Variants in FCHSD2 observed in about 807,000 individuals in gnomAD.
FCHSD2 encodes FCH and double SH3 domains 2.
A neutral mutation model predicts 108.1 loss-of-function variants in FCHSD2; 38 were observed. That is an observed-to-expected ratio of 0.35 (90% confidence interval 0.27 to 0.46). The LOEUF (loss-of-function observed/expected upper bound fraction) is 0.46. FCHSD2 is among the 20% of genes least tolerant of loss of function. The probability of loss-of-function intolerance (pLI) is 1.00; values close to 1 mark genes in which losing one functional copy is unlikely to be tolerated. For missense variants in FCHSD2, 751 were observed against 897.8 expected (o/e 0.84, Z 2.09); for synonymous variants, 279 against 314.7 (o/e 0.89, Z 1.20).
chr11:73,069,977 G>C (rs1490647202), intron 3 of FCHSD2, among the ~76,000 whole-genome samples: 2 of 152,172 alleles, frequency 1.3e-5, no homozygotes, highest in Non-Finnish European at 2.9e-5. Flanking sequence ...AGACCAGGTA[G>C]AAAGTTAGAA....
chr11:72,855,770 G>A (rs1409743896), intron 13 of FCHSD2, among the ~76,000 whole-genome samples: 1 of 152,118 alleles, frequency 6.6e-6, no homozygotes, highest in Admixed American at 6.6e-5. Context: ...CACTGTCCGT[G>A]ATATAGTGAA....
At chr11:73,099,641 C>T (rs12365275) in intron 2 of FCHSD2, among the ~76,000 whole-genome samples, 7 of 152,266 alleles carry the variant, frequency 4.6e-5, no homozygotes, top group South Asian at 4.1e-4. Flanking sequence ...ACACTGATAC[C>T]GCCCAGGCAC....
intron 3 of FCHSD2, among the ~76,000 whole-genome samples, chr11:73,059,576 T>C (rs1277954461): frequency 1.3e-5 from 2 of 152,194 alleles, no homozygotes; most frequent in Non-Finnish European, 2.9e-5. Flanking sequence ...GGTCAACCAA[T>C]ACTTCTAATC....
Position 72,867,983 on chromosome 11 carries a change from T to C in FCHSD2, c.1190A>G (p.Gln397Arg), listed in dbSNP as rs372956797. The C allele has an allele frequency of 2.1e-5, 33 of 1,580,990 alleles. No homozygotes were observed. The highest frequency in any genetic ancestry group is 1.9e-4 in the Admixed American group (10 of 53,068). ...CCATGTGTCCACAGAAACACCAATC[T>C]GCTTTAGCAGGTCCAACCGGGCTTC... is the stretch of plus-strand genomic sequence containing the variant. ...KAEARLDLLK[Q>R]IGVSVDTWLK... Residue 397 changes from glutamine to arginine, a missense_variant, in exon 13 of 20, where the codon CAG becomes CGG. Physicochemically the swap from Gln to Arg is conservative, Grantham distance 43. Coordinates refer to ENST00000409418, the MANE Select transcript of FCHSD2 (RefSeq NM_014824.3).
At chr11:72,975,999 C>A (rs1223076933) in intron 8 of FCHSD2, among the ~76,000 whole-genome samples, 2 of 152,160 alleles carry the variant, frequency 1.3e-5, no homozygotes, top group African/African-American at 4.8e-5. Flanking sequence ...ATATATTGCA[C>A]AAGAACATGC....
At chr11:72,958,751 T>C (rs921865362) in intron 8 of FCHSD2, among the ~76,000 whole-genome samples, 1 of 152,160 alleles carries the variant, frequency 6.6e-6, no homozygotes, top group African/African-American at 2.4e-5. Context: ...AGTAATCAGA[T>C]TTAAGAAAAA....
intron 13 of FCHSD2, among the ~76,000 whole-genome samples, chr11:72,856,925 A>T (rs975071578): frequency 6.6e-6 from 1 of 152,208 alleles, no homozygotes; most frequent in Non-Finnish European, 1.5e-5. Flanking sequence ...ACAGGCATTT[A>T]AAAAAACAGT....
chr11:73,131,755 A>G (rs1482532210), intron 2 of FCHSD2, among the ~76,000 whole-genome samples: 1 of 152,112 alleles, frequency 6.6e-6, no homozygotes, highest in Non-Finnish European at 1.5e-5. Context: ...CATTAACTGC[A>G]AGACACATTA....
chr11:73,069,814 G>A (rs1859390040), intron 3 of FCHSD2, among the ~76,000 whole-genome samples: 1 of 152,058 alleles, frequency 6.6e-6, no homozygotes, highest in African/African-American at 2.4e-5. Context: ...ATGACTCTGG[G>A]TACCAGCAAG....
intron 3 of FCHSD2, among the ~76,000 whole-genome samples, chr11:73,018,225 GTTA>G (rs1350794753): frequency 2.6e-5 from 4 of 152,076 alleles, no homozygotes; most frequent in Admixed American, 2.0e-4. Context: ...TGTTGTTGCT[GTTA>G]TTGTTGTTTT....
chr11:72,906,466 T>C (rs922232864), intron 9 of FCHSD2, among the ~76,000 whole-genome samples: 10 of 152,248 alleles, frequency 6.6e-5, no homozygotes. Flanking sequence ...TTTGTTGCCA[T>C]TGCTTTCGGT....
At chr11:72,902,993 T>C (rs1855557437) in intron 9 of FCHSD2, among the ~76,000 whole-genome samples, 1 of 152,148 alleles carries the variant, frequency 6.6e-6, no homozygotes, top group African/African-American at 2.4e-5. Context: ...GTCTTTGCCA[T>C]CTCTCCCAGC....
chr11:73,103,574 C>A (rs1042594885), intron 2 of FCHSD2, among the ~76,000 whole-genome samples: 1 of 152,142 alleles, frequency 6.6e-6, no homozygotes, highest in East Asian at 1.9e-4. Context: ...GTCTGTCTTT[C>A]TCAAACAAGT....
At chr11:73,089,780 A>G (rs1859909922) in intron 2 of FCHSD2, among the ~76,000 whole-genome samples, 2 of 152,200 alleles carry the variant, frequency 1.3e-5, no homozygotes, top group South Asian at 4.1e-4. Context: ...AAGGCCTGGG[A>G]GATTGAGAAA....
chr11:73,014,659 CATG>C (rs1382269340), intron 4 of FCHSD2, among the ~76,000 whole-genome samples: 3 of 152,058 alleles, frequency 2.0e-5, no homozygotes, highest in Non-Finnish European at 4.4e-5. Context: ...GACTCTAAAC[CATG>C]CGCTTCAATA....
chr11:73,086,628 G>A (rs1041020268), intron 2 of FCHSD2, among the ~76,000 whole-genome samples: 5 of 152,042 alleles, frequency 3.3e-5, no homozygotes, highest in African/African-American at 9.7e-5. Flanking sequence ...CAACAAAATT[G>A]ACAAACTTTA....
chr11:72,926,528 C>G (rs956640707), intron 8 of FCHSD2, among the ~76,000 whole-genome samples: 1 of 152,148 alleles, frequency 6.6e-6, no homozygotes, highest in Non-Finnish European at 1.5e-5. Flanking sequence ...GCAGAGACAT[C>G]CCAATGACTT....
chr11:73,003,535 G>A (rs1857670075), intron 4 of FCHSD2, among the ~76,000 whole-genome samples: 1 of 147,426 alleles, frequency 6.8e-6, no homozygotes, highest in Admixed American at 6.7e-5. Context: ...CGCCCAGGCT[G>A]GAGTGCAGTG....
intron 3 of FCHSD2, among the ~76,000 whole-genome samples, chr11:73,051,690 A>G (rs1324490797): frequency 6.6e-6 from 1 of 152,206 alleles, no homozygotes; most frequent in East Asian, 1.9e-4. Flanking sequence ...TAAAACCCTC[A>G]AAACCTAAGT....
Sources: allele counts gnomAD v4.1 joint callset (sites outside exome capture counted in the v4.1 genomes callset), GRCh38; gene constraint gnomAD v4.1.1; transcripts MANE v1.5; gene names NCBI Gene and HGNC (gene_info 2026-07-23, HGNC 2026-07-21).